The following KCTD8 variants were observed in gnomAD, a reference collection of about 807,000 sequenced individuals.
The protein encoded by KCTD8 is potassium channel tetramerization domain containing 8, also known as BTB/POZ domain-containing protein KCTD8.
Under a neutral mutation model 31.5 loss-of-function variants are expected in KCTD8, and 27 were observed. That is an observed-to-expected ratio of 0.86 (90% CI 0.63 to 1.18). The LOEUF is 1.18. KCTD8 is among the 50% of genes most tolerant of loss of function. The pLI, the probability that KCTD8 is intolerant of heterozygous loss-of-function variation, is 0.00. For missense variants in KCTD8, 658 were observed against 647.7 expected (o/e 1.02, Z -0.17); for synonymous variants, 290 against 280.0 (o/e 1.04, Z -0.36).
chr4:44,370,746 C>T (rs1719762145), intron 1 of KCTD8, among the ~76,000 whole-genome samples: 1 of 152,086 alleles, frequency 6.6e-6, no homozygotes, highest in Non-Finnish European at 1.5e-5. Flanking sequence ...AGTTACACTG[C>T]TAAGTCTAGC....
At chr4:44,254,637 T>C (rs771257584) in intron 1 of KCTD8, among the ~76,000 whole-genome samples, 3 of 151,802 alleles carry the variant, frequency 2.0e-5, no homozygotes, top group Non-Finnish European at 2.9e-5. Context: ...AGATCACTTT[T>C]CAATTTAGGA....
At chr4:44,410,157 T>C (rs1022233312) in intron 1 of KCTD8, among the ~76,000 whole-genome samples, 4 of 152,170 alleles carry the variant, frequency 2.6e-5, no homozygotes, top group African/African-American at 9.6e-5. Flanking sequence ...CATAAGGCTA[T>C]AAAACAGCAA....
intron 1 of KCTD8, among the ~76,000 whole-genome samples, chr4:44,316,378 A>G (rs749341455): frequency 6.6e-6 from 1 of 151,824 alleles, no homozygotes; most frequent in Non-Finnish European, 1.5e-5. Context: ...TGTTCTCTGC[A>G]TTATCTCTAT....
At chr4:44,348,015 A>C (rs76313442) in intron 1 of KCTD8, among the ~76,000 whole-genome samples, 3,540 of 152,284 alleles carry the variant, frequency 0.023, 97 homozygotes, top group Non-Finnish European at 0.033. Flanking sequence ...CTAAATACAC[A>C]CAGCAAGTAC....
At chr4:44,436,505 T>G (rs762098026) in intron 1 of KCTD8, among the ~76,000 whole-genome samples, 3 of 152,076 alleles carry the variant, frequency 2.0e-5, no homozygotes, top group Non-Finnish European at 4.4e-5. Context: ...TGAGACAAAC[T>G]TAGAAATATG....
At chr4:44,356,316 C>T (rs961022260) in intron 1 of KCTD8, among the ~76,000 whole-genome samples, 2 of 152,144 alleles carry the variant, frequency 1.3e-5, no homozygotes, top group Non-Finnish European at 2.9e-5. Context: ...CTCTCTTGTA[C>T]TTCTTTGAAT....
chr4:44,272,105 T>C (rs907410169), intron 1 of KCTD8, among the ~76,000 whole-genome samples: 2 of 133,562 alleles, frequency 1.5e-5, no homozygotes, highest in African/African-American at 6.9e-5. Flanking sequence ...CATCAATAAA[T>C]ACCCATGGTA....
chr4:44,225,100 G>T (rs1338344373), intron 1 of KCTD8, among the ~76,000 whole-genome samples: 1 of 152,180 alleles, frequency 6.6e-6, no homozygotes. Flanking sequence ...GCAGTTAGTG[G>T]TCTCTACCAA....
Position 44,372,659 on chromosome 4 carries a change from C to T in KCTD8, c.961+74904G>A, listed in dbSNP as rs77642106. On this transcript the variant is annotated intron_variant, in intron 1 of 1. Transcript: ENST00000360029. Reference sequence around the variant, plus strand: ...AACCTACTTCAAAATCCAGAAGTTTCTGATTTAAAAAAACATACTTCACTC... The same window carrying T: ...AACCTACTTCAAAATCCAGAAGTTTTTGATTTAAAAAAACATACTTCACTC... Among the ~76,000 whole-genome samples, 536 of 151,956 alleles carry T rather than the reference C, an allele frequency of 3.5e-3. 3 individuals are homozygous for T. Among genetic ancestry groups the T allele is most frequent in the African/African-American group, 0.012 (506 of 41,476 alleles).
intron 1 of KCTD8, among the ~76,000 whole-genome samples, chr4:44,329,863 T>A (rs73815011): frequency 3.5e-4 from 53 of 152,076 alleles, no homozygotes; most frequent in African/African-American, 1.2e-3. Context: ...TTAAATTTGA[T>A]CCCTAGATTT....
chr4:44,226,734 T>C (rs1714973955), intron 1 of KCTD8, among the ~76,000 whole-genome samples: 1 of 152,216 alleles, frequency 6.6e-6, no homozygotes, highest in Non-Finnish European at 1.5e-5. Flanking sequence ...ACTGCCTTTC[T>C]AACTGGCATG....
intron 1 of KCTD8, among the ~76,000 whole-genome samples, chr4:44,437,801 G>C (rs907864307): frequency 6.7e-6 from 1 of 150,314 alleles, no homozygotes; most frequent in Non-Finnish European, 1.5e-5. Flanking sequence ...GAAAAGTAAA[G>C]AACCACAAAA....
chr4:44,322,777 T>C (rs941458138), intron 1 of KCTD8, among the ~76,000 whole-genome samples: 1 of 152,088 alleles, frequency 6.6e-6, no homozygotes, highest in African/African-American at 2.4e-5. Context: ...TGTTGAAAGA[T>C]GGAGATCCAT....
At chr4:44,222,347 A>G (rs529007117) in intron 1 of KCTD8, among the ~76,000 whole-genome samples, 127 of 152,240 alleles carry the variant, frequency 8.3e-4, no homozygotes, top group Non-Finnish European at 1.6e-3. Flanking sequence ...TGAAATCAGC[A>G]GAGACAAATT....
At chr4:44,380,957 T>C (rs1325835782) in intron 1 of KCTD8, among the ~76,000 whole-genome samples, 1 of 152,064 alleles carries the variant, frequency 6.6e-6, no homozygotes, top group African/African-American at 2.4e-5. Flanking sequence ...TAATCTATTA[T>C]TCTACCATTT....
intron 1 of KCTD8, among the ~76,000 whole-genome samples, chr4:44,408,800 G>T (rs1365531660): frequency 6.6e-6 from 1 of 151,982 alleles, no homozygotes; most frequent in Non-Finnish European, 1.5e-5. Flanking sequence ...TTATATTTTA[G>T]TAGAGACGGG....
intron 1 of KCTD8, among the ~76,000 whole-genome samples, chr4:44,189,764 C>T (rs563967580): frequency 9.9e-5 from 15 of 152,106 alleles, no homozygotes; most frequent in Admixed American, 8.5e-4. Flanking sequence ...CTTTGGACAT[C>T]GTCTAAACTT....
intron 1 of KCTD8, among the ~76,000 whole-genome samples, chr4:44,234,555 A>G (rs937378798): frequency 3.3e-5 from 5 of 152,318 alleles, no homozygotes; most frequent in African/African-American, 7.2e-5. Flanking sequence ...CAGGGAAAAT[A>G]AGCAGAGAGG....
chr4:44,406,483 A>G (rs899072018), intron 1 of KCTD8, among the ~76,000 whole-genome samples: 4 of 152,032 alleles, frequency 2.6e-5, no homozygotes, highest in African/African-American at 9.7e-5. Context: ...TGGTTTTATC[A>G]GGGGTTTCCA....
Sources: gnomAD v4.1 joint callset for allele counts (sites outside exome capture counted in the v4.1 genomes callset) on GRCh38, gnomAD v4.1.1 for gene constraint, MANE v1.5 for transcripts, NCBI Gene and HGNC (gene_info 2026-07-23, HGNC 2026-07-21) for gene names.